Variants in CFDP1 observed in about 807,000 individuals in gnomAD.
The protein encoded by CFDP1 is heterochromatin-stabilizing protein CFDP1.
A neutral mutation model predicts 40.1 loss-of-function variants in CFDP1; 31 were observed. The observed-to-expected ratio is 0.77, with a 90% CI of 0.58 to 1.04. The LOEUF is 1.04. Among genes scored for constraint, CFDP1 ranks in the 50% least tolerant of loss-of-function variants. The pLI, the probability that CFDP1 is intolerant of heterozygous loss-of-function variation, is 0.00. For missense variants in CFDP1, 423 were observed against 343.4 expected (o/e 1.23, Z -1.83); for synonymous variants, 167 against 120.0 (o/e 1.39, Z -2.56).
In CFDP1 at chr16:75,305,074, C is replaced by T; in HGVS notation, c.759G>A (p.Glu253=). ...CCAGTTCTTCACCAATCCCCTCTTC[C>T]TCCTTGAAGCTCTCCCAGTCCAGTT... ...KSKLDWESFK[E]EEGIGEELAI... Residue 253 remains glutamate, a synonymous_variant, in exon 6 of 7, where the codon GAG becomes GAA. Coordinates refer to ENST00000283882, the MANE Select transcript of CFDP1 (RefSeq NM_006324.3). The T allele has an allele frequency of 6.2e-7, 1 of 1,614,194 alleles. No individual in the cohort carries two copies. The highest frequency in any genetic ancestry group is 8.5e-7 in the Non-Finnish European group (1 of 1,180,040).
At chr16:75,432,304 G>C (rs904128714) in intron 1 of CFDP1, among the ~76,000 whole-genome samples, 2 of 148,914 alleles carry the variant, frequency 1.3e-5, no homozygotes, top group Non-Finnish European at 3.0e-5. Flanking sequence ...GGGTGGCTGA[G>C]GTGGGAGGAT....
At chr16:75,366,587 T>C (rs76515528) in intron 5 of CFDP1, among the ~76,000 whole-genome samples, 2,631 of 152,042 alleles carry the variant, frequency 0.017, 72 homozygotes, top group African/African-American at 0.06. Context: ...CGTGCCACTG[T>C]ACTCTAACCT....
At chr16:75,379,188 A>G (rs188365876) in intron 5 of CFDP1, among the ~76,000 whole-genome samples, 2,343 of 151,916 alleles carry the variant, frequency 0.015, 58 homozygotes, top group African/African-American at 0.053. Flanking sequence ...TAGTAAAAAA[A>G]AAGAGCAATA....
intron 4 of CFDP1, among the ~76,000 whole-genome samples, chr16:75,401,154 C>T (rs909524245): frequency 7.2e-5 from 11 of 151,974 alleles, no homozygotes; most frequent in African/African-American, 2.4e-4. Flanking sequence ...ATTGGCTGGG[C>T]GCAGTGGCTC....
intron 5 of CFDP1, among the ~76,000 whole-genome samples, chr16:75,305,631 GT>G (rs765658006): frequency 2.6e-4 from 40 of 152,210 alleles, no homozygotes; most frequent in Non-Finnish European, 5.0e-4. Context: ...TATCTTACAC[GT>G]AAAGGGCTAA....
At chr16:75,327,897 T>G (rs2078414685) in intron 5 of CFDP1, among the ~76,000 whole-genome samples, 1 of 152,084 alleles carries the variant, frequency 6.6e-6, no homozygotes, top group Non-Finnish European at 1.5e-5. Flanking sequence ...CTAATTTTTT[T>G]GCGTGTATTT....
chr16:75,371,571 T>C (rs2078751447), intron 5 of CFDP1, among the ~76,000 whole-genome samples: 1 of 152,212 alleles, frequency 6.6e-6, no homozygotes, highest in Admixed American at 6.5e-5. Context: ...TTCTGCTAAT[T>C]CAGGCTCTTT....
intron 5 of CFDP1, among the ~76,000 whole-genome samples, chr16:75,317,518 A>G (rs1322668729): frequency 6.6e-6 from 1 of 152,164 alleles, no homozygotes; most frequent in Non-Finnish European, 1.5e-5. Flanking sequence ...TGGGGAGGAG[A>G]TGCTTTGCCC....
rs1299468027 is a variant in CFDP1 at position 75,329,447 on chromosome 16, A to G, written c.651-24265T>C. ...CCGTGTGACTTTGATGTTAAAAAAAAAATCCGTGATAACCAGTTTGGCTTA... is the reference window on the plus strand; with the variant it reads ...CCGTGTGACTTTGATGTTAAAAAAAGAATCCGTGATAACCAGTTTGGCTTA... On this transcript the variant is annotated intron_variant, in intron 5 of 6. Transcript: ENST00000283882. 2.0e-5 allele frequency among the ~76,000 whole-genome samples: 3 copies of G among 152,180 alleles called. No individual in the cohort carries two copies. The East Asian group carries it at 5.8e-4, about 29-fold the overall frequency.
At chr16:75,406,204 G>A (rs922557025) in intron 4 of CFDP1, among the ~76,000 whole-genome samples, 2 of 151,720 alleles carry the variant, frequency 1.3e-5, no homozygotes, top group Non-Finnish European at 2.9e-5. Context: ...GGGAGACCTC[G>A]TCTCTAAAAA....
intron 1 of CFDP1, among the ~76,000 whole-genome samples, chr16:75,426,853 G>A (rs1198536719): frequency 6.6e-6 from 1 of 152,000 alleles, no homozygotes. Context: ...TTGGGAGTTG[G>A]AGACCAGCCT....
chr16:75,426,577 G>A (rs1340717075), intron 1 of CFDP1, among the ~76,000 whole-genome samples: 2 of 152,044 alleles, frequency 1.3e-5, no homozygotes, highest in Non-Finnish European at 2.9e-5. Flanking sequence ...TACAGAGGCT[G>A]AGGCAGGAAA....
intron 4 of CFDP1, among the ~76,000 whole-genome samples, chr16:75,400,353 T>A (rs1189770004): frequency 6.6e-6 from 1 of 152,120 alleles, no homozygotes; most frequent in Non-Finnish European, 1.5e-5. Flanking sequence ...TTGGTTTTTG[T>A]TTTCTCTGAT....
intron 1 of CFDP1, among the ~76,000 whole-genome samples, chr16:75,417,982 G>A (rs537211515): frequency 1.9e-3 from 295 of 152,084 alleles, no homozygotes; most frequent in Non-Finnish European, 3.5e-3. Flanking sequence ...GGCTGGGAGC[G>A]GTGGCTCATG....
chr16:75,313,038 T>C (rs578090986), intron 5 of CFDP1, among the ~76,000 whole-genome samples: 131 of 152,306 alleles, frequency 8.6e-4, no homozygotes, highest in Non-Finnish European at 1.6e-3. Flanking sequence ...CTAACATTCT[T>C]CTCTGTGAAT....
chr16:75,349,234 G>A (rs1460791128), intron 5 of CFDP1, among the ~76,000 whole-genome samples: 1 of 151,984 alleles, frequency 6.6e-6, no homozygotes, highest in African/African-American at 2.4e-5. Flanking sequence ...TCTTAGGCTG[G>A]GTGCGGTGGG....
chr16:75,297,124 T>G (rs2078187496), intron 6 of CFDP1, among the ~76,000 whole-genome samples: 1 of 149,072 alleles, frequency 6.7e-6, no homozygotes, highest in African/African-American at 2.4e-5. Context: ...GTCATGGGCT[T>G]GGGGTTCTTG....
At position 75,433,465 on chromosome 16, in the gene CFDP1, G is replaced by GC. The variant is rs1227694267; in HGVS notation, c.-114dup. 71 of 945,744 alleles carry GC rather than the reference G, an allele frequency of 7.5e-5. No individual in the cohort carries two copies. Among genetic ancestry groups the GC allele is most frequent in the East Asian group, 4.5e-4 (17 of 37,956 alleles). 58.6% of individuals were successfully genotyped at this position (945,744 alleles called of 1,614,324 possible). A position where few individuals can be genotyped will look rare whatever the true frequency, so the allele number is the denominator to read the frequency against. On this transcript the variant is annotated 5_prime_UTR_variant, in exon 1 of 7. The change creates a premature stop within an existing upstream ORF in the 5' untranslated region. Coordinates refer to ENST00000283882, the MANE Select transcript of CFDP1 (RefSeq NM_006324.3). ...GGCGGCGGCGACGGCAGCTAGGGCG[G>GC]CCCCCGACAGCGCTTTGCACATGCG...
At chr16:75,427,841 C>T (rs762037843) in intron 1 of CFDP1, among the ~76,000 whole-genome samples, 51 of 152,260 alleles carry the variant, frequency 3.3e-4, no homozygotes, top group South Asian at 8.3e-4. Context: ...GGAAACAACC[C>T]AGTGTCTTTC....
Sources: gnomAD v4.1 joint callset for allele counts (sites outside exome capture counted in the v4.1 genomes callset) on GRCh38, gnomAD v4.1.1 for gene constraint, MANE v1.5 for transcripts, NCBI Gene and HGNC (gene_info 2026-07-23, HGNC 2026-07-21) for gene names.